Variants in ITPRID1 observed in about 807,000 individuals in gnomAD.
The protein encoded by ITPRID1 is ITPR interacting domain containing 1.
Under a neutral mutation model 95.4 loss-of-function variants are expected in ITPRID1, and 96 were observed. That is an observed-to-expected ratio of 1.01 (90% confidence interval 0.85 to 1.19). The LOEUF is 1.19. ITPRID1 is among the 50% of genes most tolerant of loss of function. The pLI, the probability that ITPRID1 is intolerant of heterozygous loss-of-function variation, is 0.00. For missense variants in ITPRID1, 1,339 were observed against 1,252.9 expected (o/e 1.07, Z -1.04); for synonymous variants, 510 against 453.6 (o/e 1.12, Z -1.58).
intron 10 of ITPRID1, among the ~76,000 whole-genome samples, chr7:31,612,451 G>A (rs570218751): frequency 1.1e-4 from 16 of 152,132 alleles, no homozygotes; most frequent in African/African-American, 3.9e-4. Flanking sequence ...CATTTAAAAT[G>A]ATATGATAAT....
downstream of ITPRID1, chr7:31,658,142 T>G (rs2128224408): frequency 3.0e-6 from 2 of 660,040 alleles, no homozygotes; most frequent in East Asian, 6.1e-5. Context: ...TGAGGGTTGC[T>G]CTGAACCACA....
chr7:31,542,478 A>G (rs1373968571), intron 1 of ITPRID1, among the ~76,000 whole-genome samples: 1 of 152,176 alleles, frequency 6.6e-6, no homozygotes, highest in African/African-American at 2.4e-5. Context: ...ACTTTAGGAC[A>G]AGAATTTGCC....
chr7:31,607,880 A>G (rs992594468), intron 10 of ITPRID1, among the ~76,000 whole-genome samples: 11 of 151,822 alleles, frequency 7.2e-5, no homozygotes, highest in African/African-American at 2.4e-4. Context: ...CTTTAATTAA[A>G]TTTATTTCTG....
chr7:31,652,595 T>A lies in ITPRID1; in HGVS notation c.2901T>A (p.Asn967Lys), dbSNP rs1489500480. 1.9e-6 allele frequency: 3 copies of A among 1,612,902 alleles called. No individual in the cohort carries two copies. Among genetic ancestry groups the A allele is most frequent in the Non-Finnish European group, 2.5e-6 (3 of 1,179,512 alleles). ...AATATAACTGGATAGAAGAAAGCAA[T>A]GGGCAGACTTCATGTTCTAAAATCC... ...LHQYNWIEES[N>K]GQTSCSKIHP... The change falls in exon 15 of 15, where the codon AAT becomes AAA. Residue 967 changes from asparagine to lysine, a missense_variant. Coordinates refer to ENST00000615280, the MANE Select transcript of ITPRID1 (RefSeq NM_001257967.3).
intron 10 of ITPRID1, among the ~76,000 whole-genome samples, chr7:31,614,797 A>G (rs1337071149): frequency 1.1e-4 from 16 of 152,192 alleles, no homozygotes; most frequent in Admixed American, 1.0e-3. Flanking sequence ...GTTTGAGAAC[A>G]GTCATGGATC....
intron 1 of ITPRID1, among the ~76,000 whole-genome samples, chr7:31,514,396 A>C (rs892538174): frequency 3.3e-5 from 5 of 152,238 alleles, no homozygotes; most frequent in African/African-American, 1.2e-4. Flanking sequence ...AAATAAAATA[A>C]TGTTAAATGC....
intron 12 of ITPRID1, among the ~76,000 whole-genome samples, chr7:31,645,700 C>A (rs556633507): frequency 3.9e-5 from 6 of 152,138 alleles, no homozygotes; most frequent in Non-Finnish European, 7.3e-5. Context: ...TTTCCCACCC[C>A]TGAACTCCCA....
intron 1 of ITPRID1, chr7:31,529,685 A>G (rs553748760): frequency 2.5e-6 from 3 of 1,195,256 alleles, no homozygotes; most frequent in Non-Finnish European, 3.6e-6. Flanking sequence ...ATAGTTCTGC[A>G]GTCACAAGGG....
At chr7:31,619,679 C>T (rs1034194265) in intron 10 of ITPRID1, among the ~76,000 whole-genome samples, 3 of 152,056 alleles carry the variant, frequency 2.0e-5, no homozygotes, top group Non-Finnish European at 4.4e-5. Context: ...GCGTGAGCCA[C>T]GCAGAAGACG....
chr7:31,520,515 T>TTGTGTGTGTGTG (rs57709822), intron 1 of ITPRID1, among the ~76,000 whole-genome samples: 2 of 135,562 alleles, frequency 1.5e-5, no homozygotes, highest in Non-Finnish European at 3.1e-5. Context: ...TACCACATCA[T>TTGTGTGTGTGTG]TGTGTGTGTG....
intron 10 of ITPRID1, among the ~76,000 whole-genome samples, chr7:31,598,587 T>A (rs1206494962): frequency 6.6e-6 from 1 of 151,806 alleles, no homozygotes; most frequent in Non-Finnish European, 1.5e-5. Flanking sequence ...GTATTTTTAG[T>A]AGGGACGGGG....
At chr7:31,648,456 A>G (rs936915587) in intron 12 of ITPRID1, among the ~76,000 whole-genome samples, 1 of 152,120 alleles carries the variant, frequency 6.6e-6, no homozygotes, top group Admixed American at 6.6e-5. Context: ...TAGGGCTAAA[A>G]TGTGTTTTTC....
At chr7:31,529,911 T>C (rs1783540978) in intron 1 of ITPRID1, 2 of 1,084,386 alleles carry the variant, frequency 1.8e-6, no homozygotes, top group South Asian at 2.8e-5. Flanking sequence ...TTTCTCTCAG[T>C]TGGAATGAAA....
chr7:31,536,196 T>C (rs904895144), intron 1 of ITPRID1, among the ~76,000 whole-genome samples: 2 of 152,184 alleles, frequency 1.3e-5, no homozygotes, highest in Non-Finnish European at 2.9e-5. Context: ...TTTGATGATA[T>C]CTACTGACTT....
chr7:31,580,415 G>C (rs565564372), intron 9 of ITPRID1, among the ~76,000 whole-genome samples: 1 of 152,020 alleles, frequency 6.6e-6, no homozygotes, highest in Non-Finnish European at 1.5e-5. Context: ...GTCCCTGAAG[G>C]TTCTTCTGCT....
At chr7:31,607,803 CCT>C (rs757308030) in intron 10 of ITPRID1, among the ~76,000 whole-genome samples, 28 of 151,458 alleles carry the variant, frequency 1.8e-4, no homozygotes, top group East Asian at 5.8e-4. Flanking sequence ...AATTTTCTCC[CCT>C]GTTTCTTCAT....
rs529227581 is a variant in ITPRID1 at position 31,525,529 on chromosome 7, T to C, written c.-98+11409T>C. The stretch of plus-strand genomic sequence containing the variant: ...TGTGGTAAATGTTCTGGAACAGGCA[T>C]AAGCAAAATGAGGGGAAAAGATGGG... On this transcript the variant is annotated intron_variant, in intron 1 of 14. Transcript: ENST00000615280. Among the ~76,000 whole-genome samples, 153 of 152,260 alleles carry C rather than the reference T, an allele frequency of 1.0e-3. 1 individual carries two copies. Among genetic ancestry groups the C allele is most frequent in the Admixed American group, 9.2e-3 (141 of 15,292 alleles).
At chr7:31,524,878 G>A (rs1783375625) in intron 1 of ITPRID1, among the ~76,000 whole-genome samples, 2 of 152,086 alleles carry the variant, frequency 1.3e-5, no homozygotes, top group African/African-American at 4.8e-5. Context: ...ATGGTACCTA[G>A]AAGAGTGCTA....
intron 14 of ITPRID1, 108 bp downstream of exon 14, chr7:31,652,158 C>A: frequency 1.2e-6 from 1 of 844,340 alleles, no homozygotes; most frequent in Non-Finnish European, 1.9e-6. Flanking sequence ...GGTTTACATG[C>A]CAACACCTTC....
Sources: gnomAD v4.1 joint callset for allele counts (sites outside exome capture counted in the v4.1 genomes callset) on GRCh38, gnomAD v4.1.1 for gene constraint, MANE v1.5 for transcripts, NCBI Gene and HGNC (gene_info 2026-07-23, HGNC 2026-07-21) for gene names.